The following CNTN4 variants were observed in gnomAD, a reference collection of about 807,000 sequenced individuals.
The protein encoded by CNTN4 is contactin 4.
CNTN4 carries 77 observed loss-of-function variants against 122.5 expected under a neutral mutation model. The ratio of observed to expected loss-of-function variants is 0.63; its 90% confidence interval spans 0.52 to 0.76. CNTN4 has a LOEUF of 0.76. CNTN4 is among the 30% of genes least tolerant of loss of function. CNTN4 has a pLI of 0.00. For synonymous variants in CNTN4, 512 were observed against 447.0 expected, an observed-to-expected ratio of 1.15 and a Z score of -1.83; for missense variants, 1,256 against 1,259.1, an observed-to-expected ratio of 1.00 and a Z score of 0.04.
chr3:2,263,436 A>T (rs1406971440), intron 2 of CNTN4, among the ~76,000 whole-genome samples: 1 of 152,222 alleles, frequency 6.6e-6, no homozygotes, highest in East Asian at 1.9e-4. Context: ...TTCAGTAATC[A>T]CTGAGCGTAT....
chr3:2,588,400 A>C (rs1040647435), intron 4 of CNTN4, among the ~76,000 whole-genome samples: 3 of 152,058 alleles, frequency 2.0e-5, no homozygotes, highest in African/African-American at 7.2e-5. Flanking sequence ...AGAGCCTCGC[A>C]CTATTGTCTG....
intron 3 of CNTN4, among the ~76,000 whole-genome samples, chr3:2,481,290 G>C (rs950505711): frequency 6.6e-6 from 1 of 151,760 alleles, no homozygotes; most frequent in Non-Finnish European, 1.5e-5. Context: ...ACAGGTGCAC[G>C]CCACCATGTC....
chr3:2,963,875 G>A (rs2094885663), intron 13 of CNTN4, among the ~76,000 whole-genome samples: 1 of 152,172 alleles, frequency 6.6e-6, no homozygotes, highest in African/African-American at 2.4e-5. Flanking sequence ...CCAGAAGAGT[G>A]CAGGGCCCAC....
chr3:2,336,475 A>T (rs139614257), intron 2 of CNTN4, among the ~76,000 whole-genome samples: 2 of 152,246 alleles, frequency 1.3e-5, no homozygotes, highest in African/African-American at 4.8e-5. Context: ...ACTTATTTGT[A>T]TTCATTGCTC....
chr3:2,509,599 G>T (rs533794497), intron 3 of CNTN4, among the ~76,000 whole-genome samples: 1 of 152,294 alleles, frequency 6.6e-6, no homozygotes, highest in South Asian at 2.1e-4. Context: ...GAAGGGTTTG[G>T]TAGTGGACAT....
intron 7 of CNTN4, among the ~76,000 whole-genome samples, chr3:2,861,093 T>A (rs1182336675): frequency 6.6e-6 from 1 of 152,228 alleles, no homozygotes; most frequent in African/African-American, 2.4e-5. Context: ...ATATGTTTGG[T>A]GATCGGTGTA....
intron 3 of CNTN4, among the ~76,000 whole-genome samples, chr3:2,517,973 A>G (rs1055887704): frequency 1.3e-5 from 2 of 152,126 alleles, no homozygotes; most frequent in Non-Finnish European, 2.9e-5. Context: ...AAGAATAGCA[A>G]CAGATTTAGA....
At chr3:2,725,425 G>C (rs2728051) in intron 4 of CNTN4, among the ~76,000 whole-genome samples, 145,177 of 152,274 alleles carry the variant, frequency 0.95, 69,250 homozygotes, top group Middle Eastern at 0.97. Flanking sequence ...TTTATGCGTA[G>C]AAAGAATACA....
At chr3:2,826,586 A>G (rs2092993577) in intron 7 of CNTN4, among the ~76,000 whole-genome samples, 1 of 152,136 alleles carries the variant, frequency 6.6e-6, no homozygotes. Flanking sequence ...TGGGCCAATT[A>G]TGTAACTTCT....
chr3:2,960,742 C>T (rs946477988), intron 13 of CNTN4, among the ~76,000 whole-genome samples: 5 of 152,070 alleles, frequency 3.3e-5, no homozygotes, highest in African/African-American at 1.2e-4. Flanking sequence ...AGTAATGGCC[C>T]CTGCTTTGCA....
chr3:3,024,646 T>A (rs1698579629), intron 14 of CNTN4, among the ~76,000 whole-genome samples: 1 of 152,144 alleles, frequency 6.6e-6, no homozygotes, highest in Non-Finnish European at 1.5e-5. Flanking sequence ...CAAAAGTATA[T>A]CCCACTACTA....
intron 4 of CNTN4, among the ~76,000 whole-genome samples, chr3:2,662,761 T>C (rs1029936880): frequency 6.6e-6 from 1 of 152,130 alleles, no homozygotes; most frequent in African/African-American, 2.4e-5. Flanking sequence ...ACGAAAAGTA[T>C]GATATGGCAA....
chr3:2,137,764 C>G (rs888937056), intron 2 of CNTN4, among the ~76,000 whole-genome samples: 3 of 152,160 alleles, frequency 2.0e-5, no homozygotes, highest in East Asian at 3.9e-4. Flanking sequence ...GGCAGTCAGT[C>G]TTGGAAGATG....
At chr3:2,326,710 C>G (rs146199540) in intron 2 of CNTN4, among the ~76,000 whole-genome samples, 9 of 152,242 alleles carry the variant, frequency 5.9e-5, no homozygotes, top group African/African-American at 2.2e-4. Flanking sequence ...TTACTTGAAG[C>G]AAGAATAGGA....
At chr3:2,265,062 C>CT (rs2040988488) in intron 2 of CNTN4, among the ~76,000 whole-genome samples, 1 of 152,138 alleles carries the variant, frequency 6.6e-6, no homozygotes, top group South Asian at 2.1e-4. Context: ...ATTCTTATGC[C>CT]TTTGCGCCCC....
chr3:2,969,522 T>TATTATTA (rs1553710736), intron 13 of CNTN4, among the ~76,000 whole-genome samples: 4 of 136,948 alleles, frequency 2.9e-5, no homozygotes, highest in African/African-American at 1.5e-4. Context: ...TTGGGATTAT[T>TATTATTA]ATTATTATTA....
chr3:2,571,533 G>T lies in CNTN4; in HGVS notation c.30G>T (p.Leu10=). Residue 10 remains leucine, a synonymous_variant, in exon 4 of 25, where the codon CTG becomes CTT. Coordinates refer to ENST00000418658, the MANE Select transcript of CNTN4 (RefSeq NM_175607.3). Reference sequence around the variant, plus strand: ...GGTTGCCATGGGAACTGCTGGTACTGCAATCATTCATTTTGTGCCTTGCAG... The same window carrying T: ...GGTTGCCATGGGAACTGCTGGTACTTCAATCATTCATTTTGTGCCTTGCAG... The part of the protein sequence containing the change: MRLPWELLV[L]QSFILCLADD... 6.2e-7 allele frequency: 1 copy of T among 1,613,736 alleles called. No homozygotes were observed. The highest frequency in any genetic ancestry group is 8.5e-7 in the Non-Finnish European group (1 of 1,179,638).
In CNTN4 at chr3:2,222,043, A is replaced by G. The variant is rs535366307; in HGVS notation, c.-144-117135A>G. Among the ~76,000 whole-genome samples, 6 of 152,336 alleles carry G rather than the reference A, an allele frequency of 3.9e-5. No individual in the cohort carries two copies. In the East Asian group the frequency reaches 7.7e-4, roughly 20 times the overall value. ...TAACATTTCACCCAGTAATGCCACT[A>G]CTAGGTATATACCCAAGAGAAATGA... On this transcript the variant is annotated intron_variant, in intron 2 of 24. Coordinates refer to ENST00000418658, the MANE Select transcript of CNTN4 (RefSeq NM_175607.3).
chr3:2,445,037 A>G (rs541152760), intron 3 of CNTN4, among the ~76,000 whole-genome samples: 17 of 151,472 alleles, frequency 1.1e-4, no homozygotes, highest in Admixed American at 2.0e-4. Context: ...CTATCTATCT[A>G]TCTATCTGAT....
Sources: gnomAD v4.1 joint callset for allele counts (sites outside exome capture counted in the v4.1 genomes callset) on GRCh38, gnomAD v4.1.1 for gene constraint, MANE v1.5 for transcripts, NCBI Gene and HGNC (gene_info 2026-07-23, HGNC 2026-07-21) for gene names.